The following TUT4 variants were observed in gnomAD, a reference collection of about 807,000 sequenced individuals.
TUT4 encodes terminal uridylyltransferase 4.
In TUT4, 36 loss-of-function variants were observed where a neutral mutation model predicts 192.2. The observed-to-expected ratio is 0.19, with a 90% confidence interval of 0.14 to 0.25. The LOEUF is 0.25. Ranked by LOEUF, TUT4 falls within the 10% of genes least tolerant of loss-of-function variation. The pLI is 1.00. For synonymous variants in TUT4, 618 were observed against 666.0 expected, an observed-to-expected ratio of 0.93 and a Z score of 1.11; for missense variants, 1,493 against 1,957.2, an observed-to-expected ratio of 0.76 and a Z score of 4.47.
chr1:52,520,087 C>T (rs1557932763), intron 2 of TUT4, among the ~76,000 whole-genome samples: 1 of 152,072 alleles, frequency 6.6e-6, no homozygotes, highest in Non-Finnish European at 1.5e-5. Context: ...GTGTTTGACG[C>T]AGAGGAAAAA....
chr1:52,480,584 A>G (rs1668254164), intron 11 of TUT4, among the ~76,000 whole-genome samples: 1 of 152,166 alleles, frequency 6.6e-6, no homozygotes, highest in African/African-American at 2.4e-5. Context: ...GTGATGTCAG[A>G]TTTTTCTTAC....
At chr1:52,518,619 TAAC>T (rs1029806302) in intron 2 of TUT4, among the ~76,000 whole-genome samples, 4 of 152,120 alleles carry the variant, frequency 2.6e-5, no homozygotes, top group Admixed American at 2.6e-4. Context: ...ATCCAGTCCA[TAAC>T]AACAGCCTTA....
chr1:52,538,100 G>T (rs1685450489), intron 1 of TUT4, among the ~76,000 whole-genome samples: 1 of 152,060 alleles, frequency 6.6e-6, no homozygotes, highest in African/African-American at 2.4e-5. Flanking sequence ...GCCGGGTGTG[G>T]TGGCCCACAC....
rs373760742 is a variant in TUT4, at chr1:52,463,023, A to T, written c.3070-1254T>A. ...ATTAGTTACTAATTCACATATGATAAAATTAACAAAGGAGGTAATTTTTCT... is the reference window on the plus strand; with the variant it reads ...ATTAGTTACTAATTCACATATGATATAATTAACAAAGGAGGTAATTTTTCT... On this transcript the variant is annotated intron_variant, in intron 16 of 29. Coordinates refer to ENST00000257177, the MANE Select transcript of TUT4 (RefSeq NM_001009881.3). The T allele has an allele frequency of 2.0e-4, 201 of 985,150 alleles. No individual in the cohort carries two copies. The African/African-American group carries it at 3.2e-3, about 16-fold the overall frequency. 61.0% of individuals were successfully genotyped at this position (985,150 alleles called of 1,614,324 possible). A position where few individuals can be genotyped will look rare whatever the true frequency, so the allele number is the denominator to read the frequency against.
intron 12 of TUT4, among the ~76,000 whole-genome samples, chr1:52,476,633 C>T (rs1667147596): frequency 6.6e-6 from 1 of 151,634 alleles, no homozygotes. Flanking sequence ...TCCTCACTTC[C>T]CAAAGAAAAT....
chr1:52,523,522 G>A (rs1284140354), intron 2 of TUT4, among the ~76,000 whole-genome samples: 1 of 151,910 alleles, frequency 6.6e-6, no homozygotes, highest in Non-Finnish European at 1.5e-5. Flanking sequence ...GAACGTGGGA[G>A]GCAGAAGTTG....
intron 7 of TUT4, among the ~76,000 whole-genome samples, chr1:52,492,587 G>C (rs930720371): frequency 2.0e-5 from 3 of 152,132 alleles, no homozygotes; most frequent in African/African-American, 7.2e-5. Context: ...TTTGTCAAAG[G>C]ACACACAACC....
chr1:52,471,598 T>C (rs1415556312), intron 14 of TUT4, among the ~76,000 whole-genome samples: 1 of 152,226 alleles, frequency 6.6e-6, no homozygotes, highest in Non-Finnish European at 1.5e-5. Context: ...ACTAGCCACA[T>C]GTAGCTACTG....
chr1:52,538,922 G>A (rs12725306), intron 1 of TUT4, among the ~76,000 whole-genome samples: 195 of 152,120 alleles, frequency 1.3e-3, no homozygotes, highest in Admixed American at 2.7e-3. Context: ...AACACTTTAG[G>A]GCACCAAGAC....
rs564499345 is a variant in TUT4, at chr1:52,549,738, G to A, written c.-94+3193C>T. Among the ~76,000 whole-genome samples, 5 of 152,148 alleles carry A rather than the reference G, an allele frequency of 3.3e-5. No homozygotes were observed. The East Asian group carries it at 7.7e-4, about 23-fold the overall frequency. On this transcript the variant is annotated intron_variant, in intron 1 of 29. Transcript: ENST00000257177. ...GATCTTCAGCAAATCACTAACCTCT[G>A]TGACTCAAAGATTCCTCACCTATAA...
At chr1:52,494,855 A>T (rs1672072875) in intron 6 of TUT4, among the ~76,000 whole-genome samples, 1 of 152,168 alleles carries the variant, frequency 6.6e-6, no homozygotes, top group Non-Finnish European at 1.5e-5. Context: ...TTGATATGTC[A>T]ATAAAGAATG....
intron 26 of TUT4, among the ~76,000 whole-genome samples, chr1:52,436,382 AG>A (rs1262478248): frequency 6.6e-6 from 1 of 151,774 alleles, no homozygotes; most frequent in Non-Finnish European, 1.5e-5. Flanking sequence ...GCTACTCAGG[AG>A]GCTGAGGCAG....
chr1:52,451,596 C>CT (rs1352800562), intron 20 of TUT4, among the ~76,000 whole-genome samples: 1 of 152,170 alleles, frequency 6.6e-6, no homozygotes, highest in Admixed American at 6.5e-5. Context: ...AATCCCAGCA[C>CT]TTTGGGAGGC....
intron 8 of TUT4, 148 bp downstream of exon 8, chr1:52,490,584 T>C: frequency 3.5e-6 from 2 of 571,430 alleles, no homozygotes; most frequent in Non-Finnish European, 3.1e-6. Flanking sequence ...TTTGGTAAGC[T>C]TGCTATTTTT....
chr1:52,451,662 G>T (rs543466339), intron 20 of TUT4, among the ~76,000 whole-genome samples: 1 of 152,054 alleles, frequency 6.6e-6, no homozygotes, highest in African/African-American at 2.4e-5. Context: ...GCCAACATTG[G>T]TGAAACGCTG....
intron 1 of TUT4, among the ~76,000 whole-genome samples, chr1:52,543,925 C>A (rs2149704913): frequency 6.6e-6 from 1 of 152,186 alleles, no homozygotes; most frequent in African/African-American, 2.4e-5. Context: ...CCCCAAATAG[C>A]CAAAAGTCTT....
chr1:52,454,444 C>T (rs944087067), intron 20 of TUT4, among the ~76,000 whole-genome samples: 1 of 152,284 alleles, frequency 6.6e-6, no homozygotes, highest in African/African-American at 2.4e-5. Context: ...TCAACTGATC[C>T]TTGACAAAGG....
At position 52,495,502 on chromosome 1, in the gene TUT4, C is replaced by T; in HGVS notation, c.1191G>A (p.Arg397=). ...ATCTAGTCAGAGATGAGCCATACAA[C>T]CTAAGTGAACATTCTGGAATAAAGG... ...ITTFLPECSL[R]LYGSSLTRFA... The change falls in exon 6 of 30, where the codon AGG becomes AGA. Residue 397 remains arginine (R), a synonymous_variant. Coordinates refer to ENST00000257177, the MANE Select transcript of TUT4 (RefSeq NM_001009881.3). 6.2e-7 allele frequency: 1 copy of T among 1,607,942 alleles called. No homozygotes were observed. Among genetic ancestry groups the T allele is most frequent in the Non-Finnish European group, 8.5e-7 (1 of 1,176,484 alleles).
At chr1:52,521,989 T>C (rs945128614) in intron 2 of TUT4, among the ~76,000 whole-genome samples, 1 of 152,066 alleles carries the variant, frequency 6.6e-6, no homozygotes, top group Non-Finnish European at 1.5e-5. Context: ...ATGATCTAGA[T>C]ATAAAGGTTT....
Sources: gnomAD v4.1 joint callset for allele counts (sites outside exome capture counted in the v4.1 genomes callset) on GRCh38, gnomAD v4.1.1 for gene constraint, MANE v1.5 for transcripts, NCBI Gene and HGNC (gene_info 2026-07-23, HGNC 2026-07-21) for gene names.